Variants in FOXP1 observed in about 807,000 individuals in gnomAD.
FOXP1 encodes the protein forkhead box P1.
In FOXP1, 15 loss-of-function variants were observed where a neutral mutation model predicts 98.2. The observed-to-expected ratio is 0.15, with a 90% CI of 0.10 to 0.24. The LOEUF is 0.24. Ranked by LOEUF, FOXP1 falls within the 10% of genes least tolerant of loss-of-function variation. The pLI is 1.00. For synonymous variants in FOXP1, 371 were observed against 314.5 expected (o/e 1.18, Z -1.90); for missense variants, 633 against 848.5 (o/e 0.75, Z 3.15).
intron 18 of FOXP1, 133 bp downstream of exon 18, chr3:70,972,416 AATGCTT>A: frequency 7.8e-7 from 1 of 1,278,300 alleles, no homozygotes; most frequent in East Asian, 2.3e-5. Flanking sequence ...GGAGGGATGA[AATGCTT>A]TTTTGCTTCC....
Position 71,532,270 on chromosome 3 carries a change from T to C in FOXP1, c.-297-38715A>G, listed in dbSNP as rs115749813. ...GTGTGCCACCACACCCAAATTTTTG[T>C]ATTTTTTGTAGAGACGGGGTTTTGC... is the stretch of plus-strand genomic sequence containing the variant. On this transcript the variant is annotated intron_variant, in intron 2 of 20. Coordinates refer to ENST00000649528, the MANE Select transcript of FOXP1 (RefSeq NM_001349338.3). Among the ~76,000 whole-genome samples the C allele has an allele frequency of 6.2e-3, 944 of 152,284 alleles. 10 individuals carry two copies. The highest frequency in any genetic ancestry group is 0.022 in the African/African-American group (920 of 41,546).
At chr3:71,514,571 T>C (rs888350839) in intron 2 of FOXP1, among the ~76,000 whole-genome samples, 4 of 152,264 alleles carry the variant, frequency 2.6e-5, no homozygotes, top group Admixed American at 2.6e-4. Context: ...GGTAAATATC[T>C]GTTGACTGAA....
intron 6 of FOXP1, among the ~76,000 whole-genome samples, chr3:71,146,630 C>T (rs1441329034): frequency 6.6e-6 from 1 of 152,140 alleles, no homozygotes; most frequent in African/African-American, 2.4e-5. Flanking sequence ...TAAAAACCTT[C>T]ACTATACTTT....
intron 3 of FOXP1, among the ~76,000 whole-genome samples, chr3:71,440,870 T>G (rs978556017): frequency 5.9e-5 from 9 of 151,744 alleles, no homozygotes; most frequent in Non-Finnish European, 1.5e-5. Flanking sequence ...GTCTCAAAAA[T>G]AAAATAAAAC....
At chr3:71,198,686 ATTTTTCT>A (rs771133981) in intron 5 of FOXP1, among the ~76,000 whole-genome samples, 20 of 151,334 alleles carry the variant, frequency 1.3e-4, no homozygotes, top group South Asian at 6.3e-4. Flanking sequence ...TCAAGATTAA[ATTTTTCT>A]TTTTTCTTTT....
At chr3:70,967,188 GAGTCCGA>G (rs2034987223) in intron 19 of FOXP1, among the ~76,000 whole-genome samples, 1 of 152,178 alleles carries the variant, frequency 6.6e-6, no homozygotes, top group African/African-American at 2.4e-5. Context: ...AGTCATACAA[GAGTCCGA>G]ACTATTCTAG....
chr3:71,307,368 C>T (rs2074353125), intron 4 of FOXP1, among the ~76,000 whole-genome samples: 1 of 152,186 alleles, frequency 6.6e-6, no homozygotes, highest in African/African-American at 2.4e-5. Flanking sequence ...GTGAAGATCA[C>T]TGAAAAGTTT....
chr3:71,367,004 C>T (rs2078971325), intron 3 of FOXP1, among the ~76,000 whole-genome samples: 1 of 152,152 alleles, frequency 6.6e-6, no homozygotes. Flanking sequence ...TGATGGCACA[C>T]AATAATTTGT....
chr3:70,998,213 G>T (rs1210820564), intron 13 of FOXP1, among the ~76,000 whole-genome samples: 1 of 152,168 alleles, frequency 6.6e-6, no homozygotes, highest in Non-Finnish European at 1.5e-5. Flanking sequence ...GTAGATTTCA[G>T]TTTCAATTAC....
intron 7 of FOXP1, among the ~76,000 whole-genome samples, chr3:71,059,888 GA>G (rs1385476989): frequency 6.6e-6 from 1 of 152,038 alleles, no homozygotes; most frequent in Non-Finnish European, 1.5e-5. Context: ...CAAAAATAAT[GA>G]AAGAGACAGC....
intron 2 of FOXP1, among the ~76,000 whole-genome samples, chr3:71,558,423 C>T (rs576463956): frequency 6.6e-6 from 1 of 152,232 alleles, no homozygotes; most frequent in South Asian, 2.1e-4. Context: ...GCTAAGATGG[C>T]AGAAAGTTTT....
intron 3 of FOXP1, among the ~76,000 whole-genome samples, chr3:71,414,064 G>C (rs946926142): frequency 1.3e-5 from 2 of 151,782 alleles, no homozygotes; most frequent in African/African-American, 4.8e-5. Flanking sequence ...GCCACCCACG[G>C]GTTGCTGGCC....
rs114616345 is a variant in FOXP1 at position 71,089,830 on chromosome 3, T to G, written c.282+22706A>C. 5.7e-3 allele frequency among the ~76,000 whole-genome samples: 870 copies of G among 152,326 alleles called. 5 individuals carry two copies. Among genetic ancestry groups the G allele is most frequent in the African/African-American group, 0.018 (742 of 41,572 alleles). ...CTTTGAGACTCTGAGGTGAATCTGT[T>G]CATGAAACCTTGAGCCACTTAGAAG... On this transcript the variant is annotated intron_variant, in intron 7 of 20. Transcript: ENST00000649528.
intron 4 of FOXP1, among the ~76,000 whole-genome samples, chr3:71,331,186 G>A (rs4677603): frequency 0.57 from 86,169 of 152,126 alleles, 26,784 homozygotes; most frequent in East Asian, 0.9. Flanking sequence ...GGGCCAGCGC[G>A]AGTTCTGGGG....
At chr3:71,436,336 T>A (rs1267935036) in intron 3 of FOXP1, among the ~76,000 whole-genome samples, 1 of 152,136 alleles carries the variant, frequency 6.6e-6, no homozygotes, top group Non-Finnish European at 1.5e-5. Context: ...TATAAGCCAG[T>A]GTTTTCCAAC....
chr3:71,055,146 C>G (rs9847538), intron 7 of FOXP1, among the ~76,000 whole-genome samples: 10,538 of 152,202 alleles, frequency 0.069, 1,263 homozygotes, highest in African/African-American at 0.24. Flanking sequence ...ATTTGCATAG[C>G]GAGCTCTCAT....
intron 9 of FOXP1, among the ~76,000 whole-genome samples, chr3:71,047,439 T>G (rs2049177446): frequency 6.6e-6 from 1 of 152,202 alleles, no homozygotes; most frequent in Non-Finnish European, 1.5e-5. Flanking sequence ...TGCATCACTC[T>G]AGTCTGAAGG....
intron 5 of FOXP1, among the ~76,000 whole-genome samples, chr3:71,225,507 A>G (rs1384182650): frequency 7.9e-6 from 1 of 127,220 alleles, no homozygotes; most frequent in Admixed American, 8.6e-5. Flanking sequence ...GTTTATAATT[A>G]TGACGAGGAA....
At chr3:71,186,431 G>A (rs576812365) in intron 6 of FOXP1, among the ~76,000 whole-genome samples, 2 of 152,332 alleles carry the variant, frequency 1.3e-5, no homozygotes, top group East Asian at 3.9e-4. Context: ...GTATACCTAT[G>A]GCCAGGTGCG....
Sources: allele counts gnomAD v4.1 joint callset (sites outside exome capture counted in the v4.1 genomes callset), GRCh38; gene constraint gnomAD v4.1.1; transcripts MANE v1.5; gene names NCBI Gene and HGNC (gene_info 2026-07-23, HGNC 2026-07-21).